The following XRRA1 variants were observed in gnomAD, a reference collection of about 807,000 sequenced individuals.
The protein encoded by XRRA1 is X-ray radiation resistance associated 1.
Under a neutral mutation model 80.2 loss-of-function variants are expected in XRRA1, and 69 were observed. That is an observed-to-expected ratio of 0.86 (90% CI 0.71 to 1.05). The LOEUF is 1.05. Ranked by LOEUF, XRRA1 falls within the 50% of genes least tolerant of loss-of-function variation. The pLI is 0.00. For synonymous variants in XRRA1, 348 were observed against 389.9 expected (o/e 0.89, Z 1.27); for missense variants, 967 against 976.4 (o/e 0.99, Z 0.13).
At chr11:74,845,948 C>G (rs1267616374) in intron 15 of XRRA1, 1 of 152,334 alleles carries the variant, frequency 6.6e-6, no homozygotes, top group African/African-American at 2.4e-5. Context: ...CCTAGCTACT[C>G]AGGAGGCTGA....
intron 7 of XRRA1, among the ~76,000 whole-genome samples, chr11:74,926,407 A>C (rs1490564694): frequency 6.6e-6 from 1 of 152,208 alleles, no homozygotes. Context: ...AAATCATTTA[A>C]GTTAACAGCT....
chr11:74,933,897 C>A, intron 4 of XRRA1, 25 bp from the exon 5 acceptor site: 1 of 1,587,614 alleles, frequency 6.3e-7, no homozygotes, highest in South Asian at 1.2e-5. Context: ...AAAGAGTTGT[C>A]TCTTAAGGCC....
chr11:74,873,815 G>C (rs1360705997), intron 10 of XRRA1, among the ~76,000 whole-genome samples: 2 of 152,180 alleles, frequency 1.3e-5, no homozygotes, highest in African/African-American at 4.8e-5. Context: ...GGGGAAGAAA[G>C]GAGTAAGCCA....
chr11:74,884,703 GA>G (rs2048585865), intron 10 of XRRA1, among the ~76,000 whole-genome samples: 1 of 152,142 alleles, frequency 6.6e-6, no homozygotes, highest in Non-Finnish European at 1.5e-5. Flanking sequence ...CCTTGGCCAT[GA>G]GACAATGAAC....
chr11:74,875,412 AGAG>A (rs2045823781), intron 10 of XRRA1, among the ~76,000 whole-genome samples: 1 of 152,144 alleles, frequency 6.6e-6, no homozygotes, highest in Non-Finnish European at 1.5e-5. Context: ...GGCTACAGTA[AGAG>A]GACGGCAAAC....
At chr11:74,850,910 A>AT (rs1212965766) in intron 14 of XRRA1, 178 bp downstream of exon 14, 4 of 406,152 alleles carry the variant, frequency 9.8e-6, no homozygotes, top group Non-Finnish European at 1.8e-5. Context: ...ATATATTTTC[A>AT]TATCTGTTGT....
chr11:74,843,965 A>G lies in XRRA1; in HGVS notation c.2044-6T>C. 1 of 1,611,980 alleles carries G rather than the reference A, an allele frequency of 6.2e-7. No individual in the cohort carries two copies. The highest frequency in any genetic ancestry group is 1.7e-4 in the Middle Eastern group (1 of 6,056). ...GGAATCGGGATTCTCTGGGCCTGGC[A>G]GAAGGTCATGGAGGAGGGTGTTATC... is the stretch of plus-strand genomic sequence containing the variant. On this transcript the variant is annotated splice_polypyrimidine_tract_variant and splice_region_variant and intron_variant, in intron 17 of 18. Transcript: ENST00000684022.
At chr11:74,882,114 G>A (rs868569593) in intron 10 of XRRA1, among the ~76,000 whole-genome samples, 5 of 152,008 alleles carry the variant, frequency 3.3e-5, no homozygotes, top group South Asian at 4.2e-4. Flanking sequence ...TTCCAACTTG[G>A]TTCCATTCTC....
chr11:74,861,136 G>A (rs964870722), intron 11 of XRRA1, among the ~76,000 whole-genome samples: 2 of 152,198 alleles, frequency 1.3e-5, no homozygotes, highest in Admixed American at 6.5e-5. Context: ...TCCACAGGGA[G>A]GGGGCATGAA....
chr11:74,855,627 A>T (rs922434880), intron 12 of XRRA1, among the ~76,000 whole-genome samples: 11 of 152,220 alleles, frequency 7.2e-5, no homozygotes, highest in Non-Finnish European at 1.5e-4. Context: ...GAGTGTAACA[A>T]TCTGTCACAT....
At chr11:74,908,211 T>C (rs1372288715) in intron 8 of XRRA1, among the ~76,000 whole-genome samples, 2 of 152,248 alleles carry the variant, frequency 1.3e-5, no homozygotes, top group Admixed American at 6.5e-5. Context: ...ATGTTTTGTA[T>C]GTGTTATCCA....
intron 3 of XRRA1, 61 bp from the exon 4 acceptor site, chr11:74,937,129 A>G: frequency 6.5e-7 from 1 of 1,527,150 alleles, no homozygotes; most frequent in Admixed American, 2.2e-5. Flanking sequence ...GAGTGCAGTT[A>G]TAGACTTTGT....
intron 8 of XRRA1, among the ~76,000 whole-genome samples, chr11:74,911,038 C>T (rs996295017): frequency 1.3e-5 from 2 of 152,052 alleles, no homozygotes; most frequent in Non-Finnish European, 2.9e-5. Context: ...GTAGGCTAAA[C>T]AGGCTTATAA....
At chr11:74,865,979 G>GT (rs1799544652) in intron 10 of XRRA1, among the ~76,000 whole-genome samples, 1 of 152,204 alleles carries the variant, frequency 6.6e-6, no homozygotes, top group Admixed American at 6.5e-5. Context: ...CTCAGGAAAT[G>GT]TAACAGTCAG....
Position 74,921,201 on chromosome 11 carries a change from A to G in XRRA1, c.656+13T>C. 4 of 1,613,198 alleles carry G rather than the reference A, an allele frequency of 2.5e-6. No homozygotes were observed. Among genetic ancestry groups the G allele is most frequent in the Non-Finnish European group, 3.4e-6 (4 of 1,179,350 alleles). On this transcript the variant is annotated intron_variant, in intron 8 of 18. Coordinates refer to ENST00000684022, the MANE Select transcript of XRRA1 (RefSeq NM_001378157.1). Reference sequence around the variant, plus strand: ...ACAAAAACACAGAATGGACTCCAGGAGGTAGAACTTACTGTTCTGCGACGG... The same window carrying G: ...ACAAAAACACAGAATGGACTCCAGGGGGTAGAACTTACTGTTCTGCGACGG...
intron 15 of XRRA1, 22 bp from the exon 16 acceptor site, chr11:74,845,293 A>G (rs763814303): frequency 2.5e-6 from 4 of 1,592,686 alleles, no homozygotes; most frequent in Non-Finnish European, 3.4e-6. Context: ...AAGAAAACGC[A>G]TTCATTTGTC....
chr11:74,874,850 G>A (rs898752582), intron 10 of XRRA1, among the ~76,000 whole-genome samples: 2 of 152,166 alleles, frequency 1.3e-5, no homozygotes, highest in Non-Finnish European at 2.9e-5. Context: ...CAGATGGGAC[G>A]CTCTTCACAA....
intron 10 of XRRA1, among the ~76,000 whole-genome samples, chr11:74,882,209 C>G (rs2047814718): frequency 6.6e-6 from 1 of 151,650 alleles, no homozygotes; most frequent in Non-Finnish European, 1.5e-5. Context: ...TTGCTCATTT[C>G]TTTTTATTCT....
chr11:74,939,236 C>A (rs181156608), intron 3 of XRRA1, among the ~76,000 whole-genome samples: 26 of 152,182 alleles, frequency 1.7e-4, no homozygotes, highest in Admixed American at 4.6e-4. Flanking sequence ...CCTGTAATCC[C>A]AACTACTCAG....
Sources: gnomAD v4.1 joint callset for allele counts (sites outside exome capture counted in the v4.1 genomes callset) on GRCh38, gnomAD v4.1.1 for gene constraint, MANE v1.5 for transcripts, NCBI Gene and HGNC (gene_info 2026-07-23, HGNC 2026-07-21) for gene names.